Variants in GPC5 observed in about 807,000 individuals in gnomAD.
GPC5 encodes glypican-5.
In GPC5, 47 loss-of-function variants were observed where a neutral mutation model predicts 53.9. The ratio of observed to expected loss-of-function variants is 0.87; its 90% CI spans 0.69 to 1.11. The LOEUF (loss-of-function observed/expected upper bound fraction) is 1.11, where lower values mean the gene tolerates loss of function less well. GPC5 is among the 50% of genes most tolerant of loss of function. GPC5 has a pLI of 0.00. For missense variants in GPC5, 748 were observed against 713.1 expected (o/e 1.05, Z -0.56); for synonymous variants, 286 against 263.3 (o/e 1.09, Z -0.84).
rs190383401 is a variant in GPC5 at position 92,013,712 on chromosome 13, T to C, written c.1401+105655T>C. On this transcript the variant is annotated intron_variant, in intron 6 of 7. Transcript: ENST00000377067. ...TATCATTACTTGTGTTAAATTCCCT[T>C]TTTCCCAGCAATAACGTACCCAACT... 8.1e-4 allele frequency among the ~76,000 whole-genome samples: 123 copies of C among 152,236 alleles called. No individual in the cohort carries two copies. In the East Asian group the frequency reaches 0.018, roughly 22 times the overall value.
At chr13:92,632,224 G>A (rs774750177) in intron 7 of GPC5, among the ~76,000 whole-genome samples, 1 of 152,020 alleles carries the variant, frequency 6.6e-6, no homozygotes, top group Non-Finnish European at 1.5e-5. Flanking sequence ...TGAATACAAA[G>A]AGCCAATGAC....
At chr13:92,555,272 A>G (rs1437965743) in intron 7 of GPC5, among the ~76,000 whole-genome samples, 1 of 151,532 alleles carries the variant, frequency 6.6e-6, no homozygotes, top group Non-Finnish European at 1.5e-5. Context: ...TTATTGATAG[A>G]ATAAGACATC....
chr13:91,832,571 G>A (rs1341037957), intron 5 of GPC5, among the ~76,000 whole-genome samples: 1 of 152,038 alleles, frequency 6.6e-6, no homozygotes, highest in Non-Finnish European at 1.5e-5. Flanking sequence ...TTCTATCATA[G>A]TGTCGATGGT....
At chr13:92,457,334 T>G (rs1878308302) in intron 7 of GPC5, among the ~76,000 whole-genome samples, 1 of 152,170 alleles carries the variant, frequency 6.6e-6, no homozygotes, top group African/African-American at 2.4e-5. Flanking sequence ...TGGATAATTC[T>G]TTGTTGTGAA....
At chr13:92,515,344 G>T (rs1191584267) in intron 7 of GPC5, among the ~76,000 whole-genome samples, 1 of 152,126 alleles carries the variant, frequency 6.6e-6, no homozygotes. Context: ...TCCAAGAAAG[G>T]GAGTAAAGAT....
At chr13:91,724,650 A>G (rs968363191) in intron 3 of GPC5, among the ~76,000 whole-genome samples, 11 of 151,944 alleles carry the variant, frequency 7.2e-5, no homozygotes, top group Non-Finnish European at 1.6e-4. Flanking sequence ...GGGGTTTGAG[A>G]CCAGCCCTGG....
chr13:92,307,024 G>T (rs1243472575), intron 7 of GPC5, among the ~76,000 whole-genome samples: 2 of 152,116 alleles, frequency 1.3e-5, no homozygotes, highest in Non-Finnish European at 2.9e-5. Context: ...AAGATTTTAT[G>T]GTAGAGAGCA....
chr13:92,547,622 A>G (rs1882163911), intron 7 of GPC5, among the ~76,000 whole-genome samples: 1 of 152,100 alleles, frequency 6.6e-6, no homozygotes, highest in African/African-American at 2.4e-5. Flanking sequence ...ATAGCCCCAG[A>G]CAGCCAGGTT....
intron 7 of GPC5, among the ~76,000 whole-genome samples, chr13:92,795,495 C>G (rs1005273510): frequency 6.6e-6 from 1 of 152,148 alleles, no homozygotes; most frequent in African/African-American, 2.4e-5. Context: ...TTGACTCAAA[C>G]AGCAAAAGCA....
intron 7 of GPC5, among the ~76,000 whole-genome samples, chr13:92,162,472 C>G (rs978126993): frequency 1.3e-5 from 2 of 152,158 alleles, no homozygotes; most frequent in African/African-American, 4.8e-5. Flanking sequence ...GAAGGTATCT[C>G]AGTCTTAGGG....
At chr13:92,705,138 A>AT (rs1170864965) in intron 7 of GPC5, among the ~76,000 whole-genome samples, 1 of 152,106 alleles carries the variant, frequency 6.6e-6, no homozygotes, top group Non-Finnish European at 1.5e-5. Flanking sequence ...TCTAGTGGTC[A>AT]TTTTTTTGTC....
At chr13:92,458,551 G>GC (rs376525893) in intron 7 of GPC5, among the ~76,000 whole-genome samples, 6 of 152,142 alleles carry the variant, frequency 3.9e-5, no homozygotes, top group African/African-American at 1.4e-4. Context: ...GCCTGCTTTG[G>GC]CCCCCCAAAG....
chr13:92,288,343 C>T (rs80097565), intron 7 of GPC5, among the ~76,000 whole-genome samples: 7,324 of 152,064 alleles, frequency 0.048, 618 homozygotes, highest in African/African-American at 0.17. Context: ...AGAATTTGAA[C>T]ATTTTGGATT....
At chr13:91,448,168 G>T (rs1270143589) in intron 1 of GPC5, among the ~76,000 whole-genome samples, 1 of 152,180 alleles carries the variant, frequency 6.6e-6, no homozygotes, top group African/African-American at 2.4e-5. Context: ...TAAAGGAGGG[G>T]ATTGTCTCTC....
intron 2 of GPC5, among the ~76,000 whole-genome samples, chr13:91,480,377 T>A (rs1883233592): frequency 6.6e-6 from 1 of 152,210 alleles, no homozygotes; most frequent in South Asian, 2.1e-4. Context: ...CAGTGTTAAG[T>A]CCTTCACCAC....
chr13:92,057,684 C>T (rs983592883), intron 6 of GPC5, among the ~76,000 whole-genome samples: 5 of 152,018 alleles, frequency 3.3e-5, no homozygotes, highest in African/African-American at 1.2e-4. Flanking sequence ...CTGCTGAAAG[C>T]TCTAAGTTGG....
chr13:92,415,113 G>A (rs1365115220), intron 7 of GPC5, among the ~76,000 whole-genome samples: 1 of 152,188 alleles, frequency 6.6e-6, no homozygotes, highest in Non-Finnish European at 1.5e-5. Flanking sequence ...GCAGCAAGTG[G>A]GAGATGCGAG....
Position 91,572,162 on chromosome 13 carries a change from C to T in GPC5, c.326-121025C>T, listed in dbSNP as rs866752829. Among the ~76,000 whole-genome samples the T allele has an allele frequency of 1.0e-3, 105 of 100,048 alleles. 6 individuals are homozygous for T. Among genetic ancestry groups the T allele is most frequent in the South Asian group, 4.4e-3 (11 of 2,500 alleles). The allele number at this position is 100,048 out of a possible 152,430, so 65.6% of individuals were successfully genotyped here. On this transcript the variant is annotated intron_variant, in intron 2 of 7. Coordinates refer to ENST00000377067, the MANE Select transcript of GPC5 (RefSeq NM_004466.6). The stretch of plus-strand genomic sequence containing the variant: ...ATATGTATATATACGTGTGTATACA[C>T]ACACATATGTATATATACGTGTGTA...
intron 2 of GPC5, among the ~76,000 whole-genome samples, chr13:91,512,092 T>C (rs1180900789): frequency 2.0e-5 from 3 of 152,196 alleles, no homozygotes; most frequent in African/African-American, 7.2e-5. Flanking sequence ...GCTTTAAATA[T>C]ATTTTTTGCC....
Sources: allele counts gnomAD v4.1 joint callset (sites outside exome capture counted in the v4.1 genomes callset), GRCh38; gene constraint gnomAD v4.1.1; transcripts MANE v1.5; gene names NCBI Gene and HGNC (gene_info 2026-07-23, HGNC 2026-07-21).